NAA35: variants seen among roughly 807,000 people sequenced by gnomAD.
NAA35 encodes the protein MAK10 homolog, amino-acid N-acetyltransferase subunit.
NAA35 carries 18 observed loss-of-function variants against 101.7 expected under a neutral mutation model. The observed-to-expected ratio is 0.18, with a 90% CI of 0.12 to 0.26. The LOEUF (loss-of-function observed/expected upper bound fraction) is 0.26, where lower values mean the gene tolerates loss of function less well. NAA35 is among the 10% of genes least tolerant of loss of function. The pLI, the probability that NAA35 is intolerant of heterozygous loss-of-function variation, is 1.00. For synonymous variants in NAA35, 267 were observed against 273.1 expected (o/e 0.98, Z 0.22); for missense variants, 601 against 886.8 (o/e 0.68, Z 4.09).
chr9:85,967,857 G>A (rs1245310988), intron 6 of NAA35, among the ~76,000 whole-genome samples: 1 of 151,992 alleles, frequency 6.6e-6, no homozygotes, highest in Admixed American at 6.5e-5. Flanking sequence ...TATTTCTGGA[G>A]TTCCTAGCTG....
chr9:86,010,537 A>AT (rs1491523445), intron 15 of NAA35, among the ~76,000 whole-genome samples: 1 of 150,010 alleles, frequency 6.7e-6, no homozygotes, highest in Admixed American at 6.7e-5. Flanking sequence ...GTGAATGGAC[A>AT]TAAAAACTTT....
Position 85,941,178 on chromosome 9 carries a change from G to T in NAA35, c.-101G>T. On this transcript the variant is annotated 5_prime_UTR_variant, in exon 1 of 23. Coordinates refer to ENST00000361671, the MANE Select transcript of NAA35 (RefSeq NM_024635.4). ...TGCGTGCACGCTGCCGGTCGGGCTG[G>T]GCTGAGAGGGGAGGGGGCGGCGGCG... is the stretch of plus-strand genomic sequence containing the variant. 1.0e-6 allele frequency: 1 copy of T among 986,664 alleles called. No homozygotes were observed. The highest frequency in any genetic ancestry group is 1.1e-4 in the East Asian group (1 of 8,836). The allele number at this position is 986,664 out of a possible 1,614,324, so 61.1% of individuals were successfully genotyped here.
At chr9:85,973,369 A>G (rs1830075307) in intron 6 of NAA35, among the ~76,000 whole-genome samples, 1 of 152,230 alleles carries the variant, frequency 6.6e-6, no homozygotes. Context: ...TTCTGGTGGT[A>G]TATAAATTAT....
chr9:86,016,650 T>TA lies in NAA35; in HGVS notation c.1687dup (p.Thr563AsnfsTer29). 2 of 1,612,918 alleles carry TA rather than the reference T, an allele frequency of 1.2e-6. No individual in the cohort carries two copies. The highest frequency in any genetic ancestry group is 1.7e-6 in the Non-Finnish European group (2 of 1,179,726). On this transcript the variant is annotated frameshift_variant, in exon 18 of 23. Coordinates refer to ENST00000361671, the MANE Select transcript of NAA35 (RefSeq NM_024635.4). LOFTEE classifies it high-confidence loss of function. ...AAGAGCAGCAGAAAGGCCGTAGTAG[T>TA]AAAAAAACAAAGAAAAAAAAGAAAG...
At chr9:85,957,530 T>A (rs974032304) in intron 3 of NAA35, among the ~76,000 whole-genome samples, 12 of 152,180 alleles carry the variant, frequency 7.9e-5, no homozygotes, top group African/African-American at 2.4e-4. Context: ...TTCTTCCCCA[T>A]GCCCCAGACA....
chr9:85,953,020 A>G (rs1228482749), intron 2 of NAA35, among the ~76,000 whole-genome samples: 1 of 152,098 alleles, frequency 6.6e-6, no homozygotes, highest in Non-Finnish European at 1.5e-5. Flanking sequence ...GAACAACCCA[A>G]GCAACATGAT....
intron 1 of NAA35, chr9:85,941,877 G>A: frequency 8.8e-7 from 1 of 1,139,118 alleles, no homozygotes; most frequent in Non-Finnish European, 1.1e-6. Flanking sequence ...GGCCAGAGGT[G>A]AGATGGTTTG....
At chr9:85,958,202 A>C (rs879778567) in intron 3 of NAA35, among the ~76,000 whole-genome samples, 6 of 152,092 alleles carry the variant, frequency 3.9e-5, no homozygotes, top group African/African-American at 1.4e-4. Context: ...CAGCCTCCCA[A>C]AGTGCTGGGA....
chr9:86,021,889 T>TTTC lies in NAA35; in HGVS notation c.2119-9_2119-7dup. The TTTC allele has an allele frequency of 6.2e-7, 1 of 1,609,002 alleles. No homozygotes were observed. On this transcript the variant is annotated splice_polypyrimidine_tract_variant and intron_variant, in intron 22 of 22. Coordinates refer to ENST00000361671, the MANE Select transcript of NAA35 (RefSeq NM_024635.4). The stretch of plus-strand genomic sequence containing the variant: ...GTAGATACATTAATTGAGTTTCGTT[T>TTTC]TTCTTTAACAGGTTCCTCCTGAATT...
At chr9:85,947,846 T>C (rs1291666028) in intron 2 of NAA35, among the ~76,000 whole-genome samples, 1 of 152,208 alleles carries the variant, frequency 6.6e-6, no homozygotes, top group Non-Finnish European at 1.5e-5. Context: ...AAGGAACACA[T>C]GGATACTGGA....
intron 6 of NAA35, among the ~76,000 whole-genome samples, chr9:85,963,459 C>G (rs575990917): frequency 6.6e-6 from 1 of 151,426 alleles, no homozygotes; most frequent in Non-Finnish European, 1.5e-5. Flanking sequence ...AGTAGAGACC[C>G]GGTTTCACTG....
intron 13 of NAA35, among the ~76,000 whole-genome samples, chr9:86,006,245 T>C (rs1046246532): frequency 1.3e-5 from 2 of 152,138 alleles, no homozygotes; most frequent in African/African-American, 4.8e-5. Flanking sequence ...GTGGTTCAGC[T>C]GCTTTGGAAA....
intron 12 of NAA35, among the ~76,000 whole-genome samples, chr9:85,999,839 G>A (rs180857220): frequency 1.1e-4 from 17 of 152,282 alleles, no homozygotes; most frequent in African/African-American, 3.9e-4. Context: ...ATAAAATTTG[G>A]AAGATGCAGA....
At chr9:85,969,859 T>TAA (rs76512245) in intron 6 of NAA35, among the ~76,000 whole-genome samples, 7 of 134,820 alleles carry the variant, frequency 5.2e-5, no homozygotes, top group Admixed American at 1.5e-4. Context: ...CTCTGTCTCT[T>TAA]AAAAAAAAAA....
intron 18 of NAA35, among the ~76,000 whole-genome samples, chr9:86,017,221 G>T (rs1333356347): frequency 6.6e-6 from 1 of 152,206 alleles, no homozygotes; most frequent in Non-Finnish European, 1.5e-5. Flanking sequence ...CACTGTATTT[G>T]TGGGTTTCCT....
At chr9:85,977,245 A>G in intron 9 of NAA35, 118 bp from the exon 10 acceptor site, 1 of 719,734 alleles carries the variant, frequency 1.4e-6, no homozygotes, top group East Asian at 2.6e-5. Context: ...CTGTAAGTGA[A>G]GGTGCCTGTA....
At chr9:85,975,180 G>A (rs1388847179) in intron 8 of NAA35, 23 bp downstream of exon 8, 2 of 1,610,160 alleles carry the variant, frequency 1.2e-6, no homozygotes, top group Admixed American at 1.7e-5. Context: ...TCTGTTTGGT[G>A]TGGGGTTTTG....
intron 12 of NAA35, among the ~76,000 whole-genome samples, chr9:86,003,354 C>T (rs1293819613): frequency 2.6e-5 from 4 of 152,126 alleles, no homozygotes; most frequent in South Asian, 4.1e-4. Flanking sequence ...GGTATCCACA[C>T]AATTCTATGA....
At chr9:86,003,898 TAAAC>T (rs1831519497) in intron 13 of NAA35, among the ~76,000 whole-genome samples, 1 of 152,192 alleles carries the variant, frequency 6.6e-6, no homozygotes, top group Non-Finnish European at 1.5e-5. Context: ...ATTTTAGAAT[TAAAC>T]TAGTAACCAA....
Sources: gnomAD v4.1 joint callset for allele counts (sites outside exome capture counted in the v4.1 genomes callset) on GRCh38, gnomAD v4.1.1 for gene constraint, MANE v1.5 for transcripts, NCBI Gene and HGNC (gene_info 2026-07-23, HGNC 2026-07-21) for gene names.